DPP6: variants seen among roughly 807,000 people sequenced by gnomAD.
DPP6 encodes the protein dipeptidyl peptidase like 6, also known as A-type potassium channel modulatory protein DPP6.
In DPP6, 69 loss-of-function variants were observed where a neutral mutation model predicts 122.6. The observed-to-expected ratio is 0.56, with a 90% CI of 0.46 to 0.69. The LOEUF is 0.69. Ranked by LOEUF, DPP6 falls within the 30% of genes least tolerant of loss-of-function variation. The pLI, the probability that DPP6 is intolerant of heterozygous loss-of-function variation, is 0.00. For missense variants in DPP6, 928 were observed against 1,116.9 expected, an observed-to-expected ratio of 0.83 and a Z score of 2.41; for synonymous variants, 418 against 433.1, an observed-to-expected ratio of 0.97 and a Z score of 0.43.
chr7:154,585,323 G>A (rs1283663296), intron 5 of DPP6, among the ~76,000 whole-genome samples: 1 of 152,200 alleles, frequency 6.6e-6, no homozygotes, highest in African/African-American at 2.4e-5. Context: ...TGGAAGATGT[G>A]CTTACTGAGT....
chr7:153,831,153 G>A, the DPP6 span, among the ~76,000 whole-genome samples: 1 of 152,160 alleles, frequency 6.6e-6, no homozygotes, highest in African/African-American at 2.4e-5. Context: ...CTAATTTAAT[G>A]TACTCATTTA....
At chr7:153,810,671 CCTCTCTCTCTCT>C in the DPP6 span, among the ~76,000 whole-genome samples, 385 of 124,706 alleles carry the variant, frequency 3.1e-3, no homozygotes, top group Non-Finnish European at 4.0e-3. Flanking sequence ...CTCTCTCTCT[CCTCTCTCTCTCT>C]CTCTCTCTCT....
chr7:154,163,332 G>T (rs59466705), intron 1 of DPP6, among the ~76,000 whole-genome samples: 1 of 152,142 alleles, frequency 6.6e-6, no homozygotes. Flanking sequence ...GAATCTGTGC[G>T]TTGCTCATGT....
chr7:154,806,308 C>T (rs1798693560), intron 15 of DPP6, among the ~76,000 whole-genome samples: 1 of 152,194 alleles, frequency 6.6e-6, no homozygotes, highest in East Asian at 1.9e-4. Context: ...CAGATAAGAA[C>T]TTCTTCCAGG....
chr7:153,858,501 A>T, the DPP6 span, among the ~76,000 whole-genome samples: 5 of 152,172 alleles, frequency 3.3e-5, no homozygotes, highest in Non-Finnish European at 5.9e-5. Flanking sequence ...TTCTCAGCCC[A>T]GTGATGACGC....
intron 1 of DPP6, among the ~76,000 whole-genome samples, chr7:154,042,449 T>C (rs1188735742): frequency 1.3e-5 from 2 of 152,202 alleles, no homozygotes; most frequent in East Asian, 1.9e-4. Context: ...AAAAACCTTC[T>C]GGTCTTATCC....
chr7:153,987,076 A>C (rs1796882806), intron 1 of DPP6, among the ~76,000 whole-genome samples: 1 of 152,232 alleles, frequency 6.6e-6, no homozygotes, highest in Non-Finnish European at 1.5e-5. Context: ...TAAGCATTTA[A>C]AAATTTGTCG....
In DPP6 at chr7:154,889,284, G is replaced by A; in HGVS notation, c.2317G>A (p.Ala773Thr). The A allele has an allele frequency of 6.2e-7, 1 of 1,612,828 alleles. No homozygotes were observed. Among genetic ancestry groups the A allele is most frequent in the Non-Finnish European group, 8.5e-7 (1 of 1,179,644 alleles). Reference protein sequence around the residue: ...DNRAYEMTKVAHRVSALEEQQ... With the variant: ...DNRAYEMTKVTHRVSALEEQQ... The stretch of plus-strand genomic sequence containing the variant: ...CCCGCATGTGCAGATGACCAAGGTA[G>A]CCCATCGAGTCTCCGCGCTGGAAGA... Residue 773 changes from alanine (A) to threonine (T), a missense_variant, in exon 24 of 26, where the codon GCC (alanine) becomes ACC (threonine). Ala to Thr is a moderately conservative substitution (Grantham distance 58). Transcript: ENST00000377770.
intron 18 of DPP6, 124 bp from the exon 19 acceptor site, chr7:154,872,500 G>A: frequency 7.0e-7 from 1 of 1,431,732 alleles, no homozygotes; most frequent in Non-Finnish European, 9.3e-7. Flanking sequence ...GCCAGTCTCT[G>A]TCTGTGGGCT....
chr7:153,910,209 A>G (rs1034782722), intron 1 of DPP6, among the ~76,000 whole-genome samples: 1 of 145,448 alleles, frequency 6.9e-6, no homozygotes, highest in Non-Finnish European at 1.5e-5. Context: ...GCCTGGCAGC[A>G]CTTTTTTGAC....
At chr7:154,414,571 C>A (rs1284695335) in intron 1 of DPP6, among the ~76,000 whole-genome samples, 1 of 152,146 alleles carries the variant, frequency 6.6e-6, no homozygotes, top group Non-Finnish European at 1.5e-5. Context: ...TCCAAATAAC[C>A]TACATGTTAT....
At chr7:154,316,154 C>T (rs992800020) in intron 1 of DPP6, among the ~76,000 whole-genome samples, 1 of 152,186 alleles carries the variant, frequency 6.6e-6, no homozygotes, top group African/African-American at 2.4e-5. Flanking sequence ...ATCAAATCTC[C>T]CTCTGAATTG....
chr7:154,249,659 T>C (rs966890710), intron 1 of DPP6, among the ~76,000 whole-genome samples: 1 of 152,170 alleles, frequency 6.6e-6, no homozygotes, highest in African/African-American at 2.4e-5. Flanking sequence ...AGTATGCTAC[T>C]CACAGCCTTT....
At chr7:154,454,767 T>C (rs971990366) in intron 2 of DPP6, among the ~76,000 whole-genome samples, 1 of 152,184 alleles carries the variant, frequency 6.6e-6, no homozygotes, top group African/African-American at 2.4e-5. Flanking sequence ...CATCTTATCG[T>C]TGGAAGGAAA....
At chr7:153,786,446 T>A in the DPP6 span, among the ~76,000 whole-genome samples, 3 of 151,338 alleles carry the variant, frequency 2.0e-5, no homozygotes, top group East Asian at 5.8e-4. Context: ...TACATTAAAA[T>A]GGTATACTAC....
Position 154,876,050 on chromosome 7 carries a change from G to A in DPP6, c.2028G>A (p.Val676=), listed in dbSNP as rs1271006679. Residue 676 remains valine, a synonymous_variant, in exon 20 of 26, where the codon GTG becomes GTA. Transcript: ENST00000377770. ...GFQGTKLLHE[V]RRRLGLLEEK... is the part of the protein sequence containing the mutation. The stretch of plus-strand genomic sequence containing the variant: ...AAGGGACCAAGCTCCTGCACGAAGT[G>A]AGGCGGCGGCTGGGCTTGCTGGAGG... 3.1e-6 allele frequency: 5 copies of A among 1,610,976 alleles called. No individual in the cohort carries two copies. The highest frequency in any genetic ancestry group is 1.1e-5 in the South Asian group (1 of 90,944).
intron 1 of DPP6, among the ~76,000 whole-genome samples, chr7:154,134,685 T>C (rs1245776707): frequency 6.6e-6 from 1 of 152,132 alleles, no homozygotes; most frequent in African/African-American, 2.4e-5. Flanking sequence ...CCTGTAAGTG[T>C]ATACTTCCTT....
chr7:154,011,245 T>C lies in DPP6; in HGVS notation c.51+123511T>C, dbSNP rs151162292. ...AACTTCCTCTTGGGATGGAGAGTAA[T>C]GTTGGGACAGATGACTGTCCTACTT... On this transcript the variant is annotated intron_variant, in intron 1 of 25. Transcript: ENST00000404039. Among the ~76,000 whole-genome samples the C allele has an allele frequency of 4.1e-3, 624 of 152,318 alleles. 3 individuals carry two copies. The highest frequency in any genetic ancestry group is 0.01 in the Middle Eastern group (3 of 294).
intron 7 of DPP6, among the ~76,000 whole-genome samples, chr7:154,689,546 A>T (rs1563106670): frequency 6.6e-6 from 1 of 151,488 alleles, no homozygotes; most frequent in Admixed American, 6.6e-5. Flanking sequence ...TTTAATATAT[A>T]CCTAGCTAGA....
Sources: gnomAD v4.1 joint callset for allele counts (sites outside exome capture counted in the v4.1 genomes callset) on GRCh38, gnomAD v4.1.1 for gene constraint, MANE v1.5 for transcripts, NCBI Gene and HGNC (gene_info 2026-07-23, HGNC 2026-07-21) for gene names.